Variants in PPP2R5C observed in about 807,000 individuals in gnomAD.
The protein encoded by PPP2R5C is serine/threonine-protein phosphatase 2A 56 kDa regulatory subunit gamma isoform.
In PPP2R5C, 7 loss-of-function variants were observed where a neutral mutation model predicts 68.9. That is an observed-to-expected ratio of 0.10 (90% CI 0.06 to 0.19). The LOEUF (loss-of-function observed/expected upper bound fraction) is 0.19, where lower values mean the gene tolerates loss of function less well. Among genes scored for constraint, PPP2R5C ranks in the 10% least tolerant of loss-of-function variants. The pLI, the probability that PPP2R5C is intolerant of heterozygous loss-of-function variation, is 1.00. For missense variants in PPP2R5C, 348 were observed against 641.3 expected, an observed-to-expected ratio of 0.54 and a Z score of 4.94; for synonymous variants, 210 against 222.2, an observed-to-expected ratio of 0.95 and a Z score of 0.49.
rs575448292 is a variant in PPP2R5C, at chr14:101,891,166, G to T, written c.689+870G>T. 7.9e-5 allele frequency among the ~76,000 whole-genome samples: 12 copies of T among 152,182 alleles called. No homozygotes were observed. The East Asian group carries it at 2.3e-3, about 29-fold the overall frequency. On this transcript the variant is annotated intron_variant, in intron 6 of 13. Transcript: ENST00000334743. This position sits in a 1 kb window ranked among gnomAD's most constrained non-coding sequence, Gnocchi z 4.9. ...CAGGGTCCCATGGTTAGTAAGTGTG[G>T]AAGTGCTTTTTCCTGCACCTTTTTA...
chr14:101,894,425 G>A lies in PPP2R5C; in HGVS notation c.799-82G>A. On this transcript the variant is annotated intron_variant, in intron 7 of 13. Transcript: ENST00000334743. ...GTGGGTCCTTGTCTTGCTGTGGGAA[G>A]GTGTTTAACGATGATTCTAGAAGAA... 4 of 1,319,400 alleles carry A rather than the reference G, an allele frequency of 3.0e-6. No homozygotes were observed. In the South Asian group the frequency reaches 4.8e-5, roughly 16 times the overall value. The allele number at this position is 1,319,400 out of a possible 1,614,324, so 81.7% of individuals were successfully genotyped here.
intron 3 of PPP2R5C, among the ~76,000 whole-genome samples, chr14:101,790,538 A>G (rs1297341238): frequency 1.3e-5 from 2 of 152,320 alleles, no homozygotes; most frequent in Admixed American, 6.5e-5. Flanking sequence ...CACCTGCTGT[A>G]AGGTTTTTGA....
At chr14:101,788,972 A>G (rs1752214070) in intron 3 of PPP2R5C, among the ~76,000 whole-genome samples, 1 of 152,024 alleles carries the variant, frequency 6.6e-6, no homozygotes, top group Admixed American at 6.5e-5. Flanking sequence ...CTTTTGTCAC[A>G]CTTGTGACTG....
intron 2 of PPP2R5C, among the ~76,000 whole-genome samples, chr14:101,873,170 T>C (rs989995841): frequency 2.6e-5 from 4 of 152,250 alleles, no homozygotes; most frequent in Admixed American, 1.3e-4. Flanking sequence ...ACCTAACTTT[T>C]TGGACACAAT....
chr14:101,836,671 G>A, intron 1 of PPP2R5C: 2 of 341,334 alleles, frequency 5.9e-6, no homozygotes, highest in Non-Finnish European at 1.1e-5. Flanking sequence ...GTTACTCTAA[G>A]TAACAAATTA....
chr14:101,881,594 C>T (rs979029947), intron 2 of PPP2R5C, among the ~76,000 whole-genome samples: 1 of 152,224 alleles, frequency 6.6e-6, no homozygotes, highest in African/African-American at 2.4e-5. Context: ...ATCCTCTGTG[C>T]CCCTGAGCAG....
chr14:101,878,895 G>T (rs1380089940), intron 2 of PPP2R5C, among the ~76,000 whole-genome samples: 2 of 152,224 alleles, frequency 1.3e-5, no homozygotes, highest in Non-Finnish European at 2.9e-5. Flanking sequence ...GACACATACG[G>T]CCAGCTGGCA....
In PPP2R5C at chr14:101,906,158, C is replaced by T. The variant is rs923266215; in HGVS notation, c.1024-244C>T. On this transcript the variant is annotated intron_variant, in intron 9 of 13. Coordinates refer to ENST00000334743, the Ensembl canonical transcript of PPP2R5C. The surrounding 1 kb of genome is among the most constrained non-coding windows in gnomAD (Gnocchi z 4.0). ...AGCCAGCATCTAGCATAAATGTTTACGGAATAAGTAGAGAAATAGGTGACA... is the reference window on the plus strand; with the variant it reads ...AGCCAGCATCTAGCATAAATGTTTATGGAATAAGTAGAGAAATAGGTGACA... 3.3e-5 allele frequency among the ~76,000 whole-genome samples: 5 copies of T among 152,160 alleles called. No individual in the cohort carries two copies. The highest frequency in any genetic ancestry group is 2.6e-4 in the Admixed American group (4 of 15,268).
intron 3 of PPP2R5C, among the ~76,000 whole-genome samples, chr14:101,800,472 A>G (rs1431199198): frequency 6.6e-6 from 1 of 152,164 alleles, no homozygotes; most frequent in Non-Finnish European, 1.5e-5. Flanking sequence ...CTGAAGCACA[A>G]GAATTGCTTG....
Position 101,882,884 on chromosome 14 carries a change from C to G in PPP2R5C, c.406-373C>G, listed in dbSNP as rs1394087654. The G allele has an allele frequency of 5.3e-6, 1 of 190,304 alleles. No homozygotes were observed. Among genetic ancestry groups the G allele is most frequent in the African/African-American group, 2.4e-5 (1 of 41,942 alleles). 11.8% of individuals were successfully genotyped at this position (190,304 alleles called of 1,614,324 possible). On this transcript the variant is annotated intron_variant, in intron 3 of 13. Coordinates refer to ENST00000334743, the Ensembl canonical transcript of PPP2R5C. This position sits in a 1 kb window ranked among gnomAD's most constrained non-coding sequence, Gnocchi z 4.9. The stretch of plus-strand genomic sequence containing the variant: ...AGAGTTCCTGTGTATTTGGTTGGCT[C>G]TGCGCCTTGGCATTGTGGGACACTC...
At chr14:101,831,155 A>G (rs968722340) in intron 1 of PPP2R5C, among the ~76,000 whole-genome samples, 1 of 152,186 alleles carries the variant, frequency 6.6e-6, no homozygotes, top group Non-Finnish European at 1.5e-5. Context: ...TGGGGAGAAA[A>G]GAGGTGTGCT....
At chr14:101,809,839 C>T, upstream of PPP2R5C, 1 of 1,474,054 alleles carries the variant, frequency 6.8e-7, no homozygotes, top group Non-Finnish European at 9.0e-7. Flanking sequence ...CCAGCCAGTT[C>T]CCTCCAGCTG....
At chr14:101,822,534 T>G (rs1407853174) in intron 1 of PPP2R5C, among the ~76,000 whole-genome samples, 1 of 152,202 alleles carries the variant, frequency 6.6e-6, no homozygotes, top group African/African-American at 2.4e-5. Context: ...CATTTAAATT[T>G]AAGCCAAAGT....
At chr14:101,904,401 C>T (rs1197654147) in intron 9 of PPP2R5C, among the ~76,000 whole-genome samples, 2 of 152,130 alleles carry the variant, frequency 1.3e-5, no homozygotes, top group Non-Finnish European at 2.9e-5. Context: ...CCACCTGCCT[C>T]GGCCTCCCAA....
chr14:101,913,275 C>T lies in PPP2R5C; in HGVS notation c.1326+802C>T, dbSNP rs1424206421. ...ATTCTCAAGCTTTCCTTCAACTCTC[C>T]AGAAAAGATTTTACCGAACAATGTA... On this transcript the variant is annotated intron_variant, in intron 12 of 13. Coordinates refer to ENST00000334743, the Ensembl canonical transcript of PPP2R5C. The surrounding 1 kb of genome is among the most constrained non-coding windows in gnomAD (Gnocchi z 4.1). 6.6e-6 allele frequency among the ~76,000 whole-genome samples: 1 copy of T among 152,182 alleles called. No homozygotes were observed. The highest frequency in any genetic ancestry group is 1.9e-4 in the East Asian group (1 of 5,202).
In PPP2R5C at chr14:101,888,856, T is replaced by C. The variant is rs1479695541; in HGVS notation, c.630-1381T>C. Among the ~76,000 whole-genome samples the C allele has an allele frequency of 6.6e-5, 10 of 152,124 alleles. No individual in the cohort carries two copies. The South Asian group carries it at 2.1e-3, about 32-fold the overall frequency. ...ATCCACCTGCTTCAGCCTCCCAAAG[T>C]GCTGGGATTACAGGCATGAGCCACT... On this transcript the variant is annotated intron_variant, in intron 5 of 13. Coordinates refer to ENST00000334743, the Ensembl canonical transcript of PPP2R5C. The surrounding 1 kb of genome is among the most constrained non-coding windows in gnomAD (Gnocchi z 5.6).
exon 14 of PPP2R5C, chr14:101,925,420 C>G: frequency 7.5e-7 from 1 of 1,338,230 alleles, no homozygotes; most frequent in Non-Finnish European, 9.8e-7. Flanking sequence ...CGCCTCAGCG[C>G]GAGATTAGGA....
intron 2 of PPP2R5C, among the ~76,000 whole-genome samples, chr14:101,876,753 A>T (rs1431391772): frequency 6.6e-6 from 1 of 152,202 alleles, no homozygotes; most frequent in African/African-American, 2.4e-5. Context: ...TCACATGCAG[A>T]CATACGTATG....
In PPP2R5C at chr14:101,797,728, G is replaced by A. The variant is rs1248785233; in HGVS notation, c.259+11545G>A. On this transcript the variant is annotated intron_variant, in intron 3 of 14. Coordinates refer to the PPP2R5C transcript ENST00000328724. The surrounding 1 kb of genome is among the most constrained non-coding windows in gnomAD (Gnocchi z 4.2). ...TCCGATGTATGCATACTTTTACTTC[G>A]CGTTGGTTCCCTACGTTCTTAGAAC... 1.3e-5 allele frequency: 2 copies of A among 159,614 alleles called. No homozygotes were observed. The highest frequency in any genetic ancestry group is 1.8e-4 in the South Asian group (1 of 5,620). The allele number at this position is 159,614 out of a possible 1,614,324, so 9.9% of individuals were successfully genotyped here.
Sources: allele counts gnomAD v4.1 joint callset (sites outside exome capture counted in the v4.1 genomes callset), GRCh38; gene constraint gnomAD v4.1.1; non-coding constraint Gnocchi (gnomAD v3.1); transcripts MANE v1.5; gene names NCBI Gene and HGNC (gene_info 2026-07-23, HGNC 2026-07-21).